CFTR: variants seen among roughly 807,000 people sequenced by gnomAD.
The protein encoded by CFTR is cystic fibrosis transmembrane conductance regulator.
In CFTR, 181 loss-of-function variants were observed where a neutral mutation model predicts 171.6. That is an observed-to-expected ratio of 1.05 (90% CI 0.93 to 1.19). The LOEUF (loss-of-function observed/expected upper bound fraction) is 1.19, where lower values mean the gene tolerates loss of function less well. Ranked by LOEUF, CFTR falls within the 50% of genes most tolerant of loss-of-function variation. The pLI is 0.00. For missense variants in CFTR, 1,968 were observed against 1,734.7 expected, an observed-to-expected ratio of 1.13 and a Z score of -2.39; for synonymous variants, 583 against 608.0, an observed-to-expected ratio of 0.96 and a Z score of 0.60.
chr7:117,649,620 G>T (rs35278595), intron 23 of CFTR, among the ~76,000 whole-genome samples: 22,705 of 150,578 alleles, frequency 0.15, 2,126 homozygotes, highest in East Asian at 0.31. Flanking sequence ...TGATGTTTTT[G>T]TATTTTACTT....
chr7:117,661,983 GAAAAAAAAAAAAAA>G (rs57319132), intron 24 of CFTR, among the ~76,000 whole-genome samples: 5 of 87,540 alleles, frequency 5.7e-5, no homozygotes, highest in African/African-American at 1.9e-4. Context: ...TAATTTTACT[GAAAAAAAAAAAAAA>G]AAAAAAAAAC....
At chr7:117,653,026 T>C in intron 24 of CFTR, 95 bp downstream of exon 24, 1 of 821,652 alleles carries the variant, frequency 1.2e-6, no homozygotes, top group Non-Finnish European at 2.2e-6. Flanking sequence ...TTTGTGTGCA[T>C]GTATGTGTGT....
chr7:117,645,399 G>C (rs1317037989), intron 23 of CFTR, among the ~76,000 whole-genome samples: 1 of 152,140 alleles, frequency 6.6e-6, no homozygotes, highest in East Asian at 1.9e-4. Context: ...ATAAGTCAGA[G>C]ATCAAAGGAA....
At chr7:117,508,212 C>T (rs1001585109) in intron 2 of CFTR, among the ~76,000 whole-genome samples, 1 of 152,168 alleles carries the variant, frequency 6.6e-6, no homozygotes, top group Admixed American at 6.5e-5. Flanking sequence ...AATTTTTCAT[C>T]TCTGTACAGT....
At chr7:117,652,115 A>G (rs748976676) in intron 23 of CFTR, among the ~76,000 whole-genome samples, 2 of 152,214 alleles carry the variant, frequency 1.3e-5, no homozygotes, top group Non-Finnish European at 2.9e-5. Context: ...TTTAAATAAT[A>G]TAGGCAGAAT....
At chr7:117,659,021 A>C (rs1793223594) in intron 24 of CFTR, among the ~76,000 whole-genome samples, 1 of 151,862 alleles carries the variant, frequency 6.6e-6, no homozygotes, top group African/African-American at 2.4e-5. Flanking sequence ...GGCTTTCTAC[A>C]CTCACTGCCC....
Position 117,642,397 on chromosome 7 carries a change from C to G in CFTR, c.3718-41C>G, listed in dbSNP as rs532270570. On this transcript the variant is annotated intron_variant, in intron 22 of 26. Transcript: ENST00000003084. ...CTGAATTATGTTTATGGCATGGTAC[C>G]TATATGTCACAGAAGTGATCCCATC... The G allele has an allele frequency of 3.8e-5, 60 of 1,565,328 alleles. 1 individual carries two copies. The South Asian group carries it at 6.1e-4, about 16-fold the overall frequency.
Position 117,627,718 on chromosome 7 carries a change from G to T in CFTR, c.3665G>T (p.Gly1222Val). The change falls in exon 22 of 27, where the codon GGT (glycine) becomes GTT (valine). Residue 1222 changes from glycine (G) to valine (V), a missense_variant. Transcript: ENST00000003084. ...GATCTCACAGCAAAATACACAGAAG[G>T]TGGAAATGCCATATTAGAGAACATT... ...VKDLTAKYTEGGNAILENISF... is the reference protein window; with the variant it reads ...VKDLTAKYTEVGNAILENISF... The T allele has an allele frequency of 6.2e-7, 1 of 1,613,244 alleles. No homozygotes were observed. Among genetic ancestry groups the T allele is most frequent in the Non-Finnish European group, 8.5e-7 (1 of 1,179,478 alleles).
intron 24 of CFTR, among the ~76,000 whole-genome samples, chr7:117,653,935 A>G (rs1793126134): frequency 6.6e-6 from 1 of 152,240 alleles, no homozygotes. Context: ...GGCACAGGCT[A>G]GACAGTCCCA....
chr7:117,572,817 A>G (rs565418511), intron 11 of CFTR, among the ~76,000 whole-genome samples: 6 of 152,338 alleles, frequency 3.9e-5, no homozygotes, highest in East Asian at 1.9e-4. Flanking sequence ...ATTGAATGGC[A>G]TTACCTCTAA....
chr7:117,542,612 C>CT (rs1345991625), intron 9 of CFTR, among the ~76,000 whole-genome samples: 6 of 151,844 alleles, frequency 4.0e-5, no homozygotes, highest in Non-Finnish European at 5.9e-5. Flanking sequence ...AATATAAAAG[C>CT]TTTTTTTATT....
At chr7:117,630,045 A>T (rs992569868) in intron 22 of CFTR, among the ~76,000 whole-genome samples, 1 of 152,210 alleles carries the variant, frequency 6.6e-6, no homozygotes, top group Admixed American at 6.5e-5. Context: ...CCAGGACATG[A>T]TAATCTAAAA....
intron 26 of CFTR, 130 bp from the exon 27 acceptor site, chr7:117,666,778 G>A: frequency 1.3e-6 from 1 of 789,034 alleles, no homozygotes; most frequent in Non-Finnish European, 2.2e-6. Context: ...ATACCTGATT[G>A]TTCAAAATGC....
intron 7 of CFTR, 106 bp from the exon 8 acceptor site, chr7:117,539,994 T>G (rs1243566753): frequency 3.2e-6 from 3 of 951,752 alleles, no homozygotes; most frequent in Non-Finnish European, 4.8e-6. Flanking sequence ...GTTAAAAATA[T>G]AGGCAGAAAG....
chr7:117,647,253 C>T (rs145601766), intron 23 of CFTR: 1 of 151,906 alleles, frequency 6.6e-6, no homozygotes, highest in East Asian at 1.9e-4. Context: ...TACAGGCCCA[C>T]ACTACCATGC....
intron 11 of CFTR, among the ~76,000 whole-genome samples, chr7:117,561,638 T>C (rs1799466674): frequency 6.6e-6 from 1 of 152,170 alleles, no homozygotes; most frequent in South Asian, 2.1e-4. Flanking sequence ...TCAGCAAATA[T>C]TTATTAAGAC....
At chr7:117,610,708 G>T (rs755990105) in intron 19 of CFTR, 39 bp downstream of exon 19, 1 of 1,605,086 alleles carries the variant, frequency 6.2e-7, no homozygotes, top group Admixed American at 1.7e-5. Flanking sequence ...TTGTAAAAAA[G>T]CTATAAGAGC....
intron 1 of CFTR, among the ~76,000 whole-genome samples, chr7:117,493,553 C>G (rs1263418673): frequency 6.6e-6 from 1 of 151,992 alleles, no homozygotes; most frequent in Non-Finnish European, 1.5e-5. Context: ...CTGCCTCTCT[C>G]AAGCTTTGCT....
At chr7:117,666,516 A>C (rs1055364329) in intron 26 of CFTR, among the ~76,000 whole-genome samples, 2 of 152,210 alleles carry the variant, frequency 1.3e-5, no homozygotes, top group Non-Finnish European at 2.9e-5. Flanking sequence ...TATTAAACTC[A>C]GGCACATCCT....
Sources: allele counts gnomAD v4.1 joint callset (sites outside exome capture counted in the v4.1 genomes callset), GRCh38; gene constraint gnomAD v4.1.1; transcripts MANE v1.5; gene names NCBI Gene and HGNC (gene_info 2026-07-23, HGNC 2026-07-21).